The following TENM3 variants were observed in gnomAD, a reference collection of about 807,000 sequenced individuals.
TENM3 encodes the protein teneurin-3.
TENM3 carries 63 observed loss-of-function variants against 255.1 expected under a neutral mutation model. That is an observed-to-expected ratio of 0.25 (90% CI 0.20 to 0.30). TENM3 has a LOEUF of 0.30. TENM3 is among the 10% of genes least tolerant of loss of function. The pLI is 1.00. For missense variants in TENM3, 2,929 were observed against 3,461.1 expected (o/e 0.85, Z 3.86); for synonymous variants, 1,306 against 1,322.3 (o/e 0.99, Z 0.27).
intron 3 of TENM3, among the ~76,000 whole-genome samples, chr4:182,387,025 G>T (rs1449830776): frequency 6.6e-6 from 1 of 152,250 alleles, no homozygotes; most frequent in Non-Finnish European, 1.5e-5. Flanking sequence ...GAGTCTGGTA[G>T]GGACGTGGAG....
chr4:181,860,124 C>T, the TENM3 span, among the ~76,000 whole-genome samples: 1 of 152,164 alleles, frequency 6.6e-6, no homozygotes, highest in Non-Finnish European at 1.5e-5. Context: ...CATCTGAAAC[C>T]TGCTTTCAAG....
At chr4:181,708,959 A>C in the TENM3 span, among the ~76,000 whole-genome samples, 429 of 152,362 alleles carry the variant, frequency 2.8e-3, 2 homozygotes, top group Middle Eastern at 0.01. Context: ...AACTTAAAAG[A>C]ACTTTCAAAA....
chr4:181,854,776 T>G, the TENM3 span, among the ~76,000 whole-genome samples: 1 of 152,188 alleles, frequency 6.6e-6, no homozygotes, highest in Non-Finnish European at 1.5e-5. Context: ...TGGTCATCAT[T>G]TATGAAGGAT....
At chr4:182,404,781 C>T (rs1464750714) in intron 3 of TENM3, among the ~76,000 whole-genome samples, 3 of 152,192 alleles carry the variant, frequency 2.0e-5, no homozygotes, top group Non-Finnish European at 2.9e-5. Flanking sequence ...ACCACGTCCA[C>T]GTTAGCTTAC....
chr4:181,480,691 T>C, the TENM3 span, among the ~76,000 whole-genome samples: 3 of 151,442 alleles, frequency 2.0e-5, no homozygotes, highest in East Asian at 5.8e-4. Flanking sequence ...TCTATCTATA[T>C]ATAGATATGT....
the TENM3 span, among the ~76,000 whole-genome samples, chr4:181,557,146 C>T: frequency 1.3e-5 from 2 of 152,128 alleles, no homozygotes; most frequent in African/African-American, 4.8e-5. Flanking sequence ...TCAGGTGCTA[C>T]ACAGAACATA....
At chr4:181,705,058 A>G in the TENM3 span, among the ~76,000 whole-genome samples, 1 of 119,080 alleles carries the variant, frequency 8.4e-6, no homozygotes, top group Non-Finnish European at 1.9e-5. Context: ...AAACAAAAAA[A>G]AAAAAACAAA....
intron 3 of TENM3, chr4:182,449,018 AC>A: frequency 2.6e-6 from 1 of 390,786 alleles, no homozygotes; most frequent in South Asian, 1.7e-5. Flanking sequence ...TACGCTCCAG[AC>A]CCAGGCAACT....
chr4:182,755,249 A>G lies in TENM3; in HGVS notation c.4882A>G (p.Thr1628Ala), dbSNP rs763604671. 5 of 1,595,356 alleles carry G rather than the reference A, an allele frequency of 3.1e-6. No individual in the cohort carries two copies. The highest frequency in any genetic ancestry group is 1.3e-5 in the African/African-American group (1 of 74,340). Residue 1628 changes from threonine to alanine, a missense_variant, in exon 22 of 28, where the codon ACG becomes GCG. Transcript: ENST00000511685. ...ATKSDETGWT[T>A]FFDYDSEGRL... ...TAAAAGTGATGAAACTGGATGGACAACGTTTTTTGAGTAAGTATATGAAAA... is the reference window on the plus strand; with the variant it reads ...TAAAAGTGATGAAACTGGATGGACAGCGTTTTTTGAGTAAGTATATGAAAA...
the TENM3 span, among the ~76,000 whole-genome samples, chr4:181,574,997 T>C: frequency 2.0e-5 from 3 of 152,218 alleles, no homozygotes; most frequent in African/African-American, 7.2e-5. Flanking sequence ...GGAATTTTGT[T>C]GGCACTTTTT....
At chr4:181,627,483 C>T in the TENM3 span, among the ~76,000 whole-genome samples, 1 of 152,086 alleles carries the variant, frequency 6.6e-6, no homozygotes, top group South Asian at 2.1e-4. Context: ...TTTACCTACC[C>T]CCTACCCCCA....
the TENM3 span, among the ~76,000 whole-genome samples, chr4:181,592,380 C>G: frequency 6.9e-6 from 1 of 145,556 alleles, no homozygotes; most frequent in Non-Finnish European, 1.5e-5. Context: ...TTTAAAGAGG[C>G]TGGAATGTAC....
the TENM3 span, among the ~76,000 whole-genome samples, chr4:181,886,260 T>G: frequency 6.6e-6 from 1 of 152,032 alleles, no homozygotes; most frequent in Non-Finnish European, 1.5e-5. Flanking sequence ...ACCATATTGG[T>G]CAGGCTACTT....
the TENM3 span, among the ~76,000 whole-genome samples, chr4:181,943,314 C>A: frequency 6.6e-6 from 1 of 152,012 alleles, no homozygotes; most frequent in Non-Finnish European, 1.5e-5. Context: ...TGGGTAGTTT[C>A]TATGTGTCTA....
chr4:182,673,391 G>T (rs745832255), intron 7 of TENM3, among the ~76,000 whole-genome samples, 172 bp downstream of exon 7: 2 of 152,152 alleles, frequency 1.3e-5, no homozygotes, highest in Admixed American at 6.5e-5. Context: ...TTTTGAATCA[G>T]TAGTGGGAAG....
chr4:181,470,139 G>GAAAAAAAAAAAA, the TENM3 span, among the ~76,000 whole-genome samples: 1 of 95,714 alleles, frequency 1.0e-5, no homozygotes, highest in Admixed American at 1.1e-4. Context: ...TATTCAAAAG[G>GAAAAAAAAAAAA]AACTATTCTA....
chr4:182,195,007 A>G (rs1341835926), intron 1 of TENM3, among the ~76,000 whole-genome samples: 1 of 149,376 alleles, frequency 6.7e-6, no homozygotes, highest in Non-Finnish European at 1.5e-5. Context: ...GAAATAAGTG[A>G]CCAACACAGT....
At chr4:181,631,972 T>A in the TENM3 span, among the ~76,000 whole-genome samples, 1 of 152,178 alleles carries the variant, frequency 6.6e-6, no homozygotes, top group Non-Finnish European at 1.5e-5. Flanking sequence ...GCACAAAAAA[T>A]GCCATGAGTT....
the TENM3 span, chr4:181,906,438 A>G: frequency 3.1e-5 from 6 of 193,042 alleles, no homozygotes; most frequent in African/African-American, 9.4e-5. Flanking sequence ...CCAAAAATGC[A>G]CATGTGAGCA....
Sources: allele counts gnomAD v4.1 joint callset (sites outside exome capture counted in the v4.1 genomes callset), GRCh38; gene constraint gnomAD v4.1.1; transcripts MANE v1.5; gene names NCBI Gene and HGNC (gene_info 2026-07-23, HGNC 2026-07-21).